PDE8A: variants seen among roughly 807,000 people sequenced by gnomAD.
PDE8A encodes high affinity cAMP-specific and IBMX-insensitive 3',5'-cyclic phosphodiesterase 8A.
A neutral mutation model predicts 105.0 loss-of-function variants in PDE8A; 59 were observed. The observed-to-expected ratio is 0.56, with a 90% CI of 0.46 to 0.70. The LOEUF (loss-of-function observed/expected upper bound fraction) is 0.70, where lower values mean the gene tolerates loss of function less well. Ranked by LOEUF, PDE8A falls within the 30% of genes least tolerant of loss-of-function variation. PDE8A has a pLI of 0.00. For synonymous variants in PDE8A, 355 were observed against 371.9 expected (o/e 0.95, Z 0.52); for missense variants, 1,014 against 1,045.9 (o/e 0.97, Z 0.42).
intron 20 of PDE8A, among the ~76,000 whole-genome samples, chr15:85,127,777 G>GT (rs1269614926): frequency 1.3e-5 from 2 of 151,750 alleles, no homozygotes; most frequent in African/African-American, 2.4e-5. Context: ...ATTTCAGCAG[G>GT]TTTTTTTTCT....
At chr15:85,039,081 AT>A (rs1461841679) in intron 1 of PDE8A, among the ~76,000 whole-genome samples, 11 of 151,540 alleles carry the variant, frequency 7.3e-5, no homozygotes, top group African/African-American at 2.7e-4. Context: ...AGATTGTGCC[AT>A]TGCACTCCAG....
Position 85,067,130 on chromosome 15 carries a change from C to G in PDE8A, c.360C>G (p.Phe120Leu). The G allele has an allele frequency of 6.2e-7, 1 of 1,614,008 alleles. No homozygotes were observed. The highest frequency in any genetic ancestry group is 1.1e-5 in the South Asian group (1 of 91,066). Residue 120 changes from phenylalanine (F) to leucine (L), a missense_variant, in exon 3 of 22, where the codon TTC (phenylalanine) becomes TTG (leucine). By Grantham distance (22) the Phe-to-Leu change is conservative (BLOSUM62 0). Transcript: ENST00000394553. ...TKEAQAVLAC[F>L]LDKHHDIIII... ...AGGCTCAGGCTGTCCTTGCCTGTTT[C>G]CTGGACAAACATCATGACATTATCA... is the stretch of plus-strand genomic sequence containing the variant.
intron 2 of PDE8A, among the ~76,000 whole-genome samples, chr15:85,066,233 T>C (rs570015586): frequency 6.6e-6 from 1 of 152,150 alleles, no homozygotes; most frequent in Non-Finnish European, 1.5e-5. Flanking sequence ...AACTAAATCT[T>C]TGTTGAGTTC....
intron 1 of PDE8A, among the ~76,000 whole-genome samples, chr15:85,060,085 T>C (rs1488860460): frequency 1.3e-5 from 2 of 152,240 alleles, no homozygotes; most frequent in Admixed American, 1.3e-4. Flanking sequence ...GTATGTCACA[T>C]AGCTTTTCTG....
At chr15:85,132,555 T>G (rs1415799547) in intron 20 of PDE8A, among the ~76,000 whole-genome samples, 3 of 152,184 alleles carry the variant, frequency 2.0e-5, no homozygotes, top group African/African-American at 7.2e-5. Context: ...AACCTCTGCC[T>G]CTTGGGTTTA....
In PDE8A at chr15:84,982,233, C is replaced by T; in HGVS notation, c.71C>T (p.Pro24Leu). 1.4e-6 allele frequency: 2 copies of T among 1,472,072 alleles called. No individual in the cohort carries two copies. Among genetic ancestry groups the T allele is most frequent in the Non-Finnish European group, 1.8e-6 (2 of 1,120,622 alleles). The allele number at this position is 1,472,072 out of a possible 1,614,324, so 91.2% of individuals were successfully genotyped here. A position where few individuals can be genotyped will look rare whatever the true frequency, so the allele number is the denominator to read the frequency against. Residue 24 changes from proline to leucine, a missense_variant, in exon 1 of 22, where the codon CCG (proline) becomes CTG (leucine). Pro to Leu is a moderately conservative substitution (Grantham distance 98). Transcript: ENST00000394553. ...GAGGACGCGCCTAGCCCCGCGGCAC[C>T]GCCGCTGTCGTCCGGCGGGCCGCGC... ...VAEDAPSPAA[P>L]PLSSGGPRLP...
intron 6 of PDE8A, among the ~76,000 whole-genome samples, chr15:85,084,630 C>CT (rs2141508737): frequency 6.6e-6 from 1 of 152,282 alleles, no homozygotes; most frequent in South Asian, 2.1e-4. Flanking sequence ...GATGTTGGAG[C>CT]TTATTTTATC....
Position 85,057,072 on chromosome 15 carries a change from C to T in PDE8A, c.187-7298C>T, listed in dbSNP as rs563190036. The stretch of plus-strand genomic sequence containing the variant: ...TCAACTGCAGGCCTGTTGGAGTTTG[C>T]TGGAGGTCCACTCCAGACCCTGTTT... On this transcript the variant is annotated intron_variant, in intron 1 of 21. Transcript: ENST00000394553. 7.2e-5 allele frequency among the ~76,000 whole-genome samples: 11 copies of T among 152,292 alleles called. No individual in the cohort carries two copies. The East Asian group carries it at 2.1e-3, about 29-fold the overall frequency.
At chr15:85,059,055 T>G (rs2081105344) in intron 1 of PDE8A, among the ~76,000 whole-genome samples, 1 of 152,218 alleles carries the variant, frequency 6.6e-6, no homozygotes. Context: ...TGCTGCTACA[T>G]CCCATAAGTT....
At chr15:85,083,737 T>C (rs1348146050) in intron 6 of PDE8A, 93 bp downstream of exon 6, 2 of 780,704 alleles carry the variant, frequency 2.6e-6, no homozygotes, top group Admixed American at 2.0e-5. Flanking sequence ...TGAAATGGCC[T>C]CTTGCAGAAA....
intron 3 of PDE8A, among the ~76,000 whole-genome samples, chr15:85,073,860 C>T (rs1208579803): frequency 6.6e-6 from 1 of 152,212 alleles, no homozygotes; most frequent in Admixed American, 6.5e-5. Flanking sequence ...TCCCATAGCT[C>T]TTCCCCAGGA....
chr15:85,012,150 G>A (rs1017759694), intron 1 of PDE8A, among the ~76,000 whole-genome samples: 12 of 152,178 alleles, frequency 7.9e-5, no homozygotes, highest in South Asian at 2.1e-4. Context: ...TGATTCCTCA[G>A]GGATCTAGAA....
chr15:85,103,569 C>T (rs1405280270), intron 11 of PDE8A, among the ~76,000 whole-genome samples: 1 of 152,208 alleles, frequency 6.6e-6, no homozygotes, highest in Non-Finnish European at 1.5e-5. Context: ...CAACAGAAAT[C>T]AATTCTTCAG....
At chr15:85,035,445 G>A (rs1017965569) in intron 1 of PDE8A, among the ~76,000 whole-genome samples, 15 of 151,820 alleles carry the variant, frequency 9.9e-5, no homozygotes, top group African/African-American at 3.6e-4. Flanking sequence ...CCTGACCTCA[G>A]GTGATCCGCC....
intron 2 of PDE8A, among the ~76,000 whole-genome samples, chr15:85,065,928 A>G (rs1171423189): frequency 1.3e-5 from 2 of 152,230 alleles, no homozygotes; most frequent in Non-Finnish European, 2.9e-5. Flanking sequence ...AGAGGCACAG[A>G]TGCTACCTCT....
chr15:84,984,982 C>T (rs1207643896), intron 1 of PDE8A, among the ~76,000 whole-genome samples: 2 of 152,010 alleles, frequency 1.3e-5, no homozygotes, highest in Non-Finnish European at 1.5e-5. Context: ...GATATGCGGC[C>T]TATACTGGCT....
At chr15:85,070,556 A>G (rs1047416708) in intron 3 of PDE8A, among the ~76,000 whole-genome samples, 7 of 152,186 alleles carry the variant, frequency 4.6e-5, no homozygotes, top group African/African-American at 1.7e-4. Context: ...TTAAAGGATG[A>G]GCAGGAGTTT....
chr15:85,114,902 C>A (rs913820858), intron 14 of PDE8A, among the ~76,000 whole-genome samples: 2 of 152,054 alleles, frequency 1.3e-5, no homozygotes, highest in Non-Finnish European at 2.9e-5. Context: ...AGAAAAGGGG[C>A]TGCTGAGAGT....
At chr15:85,009,519 A>T (rs548827695) in intron 1 of PDE8A, among the ~76,000 whole-genome samples, 1 of 152,310 alleles carries the variant, frequency 6.6e-6, no homozygotes, top group Admixed American at 6.5e-5. Context: ...ATTTGTGGAA[A>T]GAAGTACTCA....
Sources: allele counts gnomAD v4.1 joint callset (sites outside exome capture counted in the v4.1 genomes callset), GRCh38; gene constraint gnomAD v4.1.1; transcripts MANE v1.5; gene names NCBI Gene and HGNC (gene_info 2026-07-23, HGNC 2026-07-21).